Variants in SSBP3 observed in about 807,000 individuals in gnomAD.
The protein encoded by SSBP3 is single-stranded DNA-binding protein 3.
SSBP3 carries 5 observed loss-of-function variants against 69.6 expected under a neutral mutation model. The observed-to-expected ratio is 0.07, with a 90% CI of 0.04 to 0.15. The LOEUF (loss-of-function observed/expected upper bound fraction) is 0.15, where lower values mean the gene tolerates loss of function less well. Among genes scored for constraint, SSBP3 ranks in the 10% least tolerant of loss-of-function variants. SSBP3 has a pLI of 1.00. For synonymous variants in SSBP3, 196 were observed against 193.4 expected (o/e 1.01, Z -0.11); for missense variants, 312 against 534.0 (o/e 0.58, Z 4.10).
intron 9 of SSBP3, 41 bp downstream of exon 9, chr1:54,251,575 A>C: frequency 6.5e-7 from 1 of 1,544,068 alleles, no homozygotes; most frequent in Non-Finnish European, 8.8e-7. Context: ...GGGTGCACAC[A>C]GATGGCCAGG....
At chr1:54,328,077 G>A (rs1430422789) in intron 4 of SSBP3, among the ~76,000 whole-genome samples, 1 of 152,136 alleles carries the variant, frequency 6.6e-6, no homozygotes, top group Non-Finnish European at 1.5e-5. Flanking sequence ...GAGTGGGAGG[G>A]AGAATGAGGG....
At chr1:54,267,565 A>G (rs1311047107) in intron 5 of SSBP3, among the ~76,000 whole-genome samples, 1 of 152,158 alleles carries the variant, frequency 6.6e-6, no homozygotes, top group East Asian at 1.9e-4. Flanking sequence ...CCTGGCAGAG[A>G]AGAAAAGGAA....
intron 3 of SSBP3, among the ~76,000 whole-genome samples, chr1:54,402,582 A>G (rs1002881865): frequency 1.1e-4 from 16 of 139,986 alleles, no homozygotes; most frequent in African/African-American, 4.2e-4. Flanking sequence ...TCCTCCCTCC[A>G]TGCACCAAAA....
intron 7 of SSBP3, among the ~76,000 whole-genome samples, chr1:54,255,148 T>TGCGGGGGG (rs2100732623): frequency 1.0e-4 from 1 of 9,676 alleles, no homozygotes; most frequent in South Asian, 5.1e-3. Flanking sequence ...AGATTTCTAT[T>TGCGGGGGG]GCGGGGGGGC....
At chr1:54,410,876 G>A (rs1036308234), upstream of SSBP3, among the ~76,000 whole-genome samples, 2 of 152,196 alleles carry the variant, frequency 1.3e-5, no homozygotes, top group African/African-American at 2.4e-5. Context: ...GAGAGTAGCC[G>A]CTTGGGATGG....
intron 4 of SSBP3, among the ~76,000 whole-genome samples, chr1:54,329,439 A>ATGTGGGCG (rs1315342883): frequency 2.0e-5 from 3 of 152,232 alleles, no homozygotes; most frequent in Non-Finnish European, 4.4e-5. Context: ...GGATTACTGC[A>ATGTGGGCG]TGTGACAGTC....
At chr1:54,228,582 CCA>C (rs1644328351) in intron 15 of SSBP3, 105 bp from the exon 16 acceptor site, 1 of 1,532,838 alleles carries the variant, frequency 6.5e-7, no homozygotes, top group Admixed American at 1.9e-5. Flanking sequence ...CATCCCAGTC[CCA>C]CACTGTGCGG....
At chr1:54,351,062 A>G (rs1376448365) in intron 4 of SSBP3, among the ~76,000 whole-genome samples, 3 of 152,150 alleles carry the variant, frequency 2.0e-5, no homozygotes, top group Non-Finnish European at 2.9e-5. Context: ...TCCTAGCTCA[A>G]GCAATCTGCC....
chr1:54,241,443 G>C (rs1644637030), intron 12 of SSBP3, 31 bp downstream of exon 12: 1 of 1,613,212 alleles, frequency 6.2e-7, no homozygotes, highest in East Asian at 2.2e-5. Context: ...CACGTGGCTA[G>C]ACATGCAATG....
chr1:54,273,155 C>T (rs1447002250), intron 5 of SSBP3, among the ~76,000 whole-genome samples: 1 of 152,222 alleles, frequency 6.6e-6, no homozygotes, highest in Non-Finnish European at 1.5e-5. Flanking sequence ...AGCAAATCTC[C>T]CAGGCGCTGC....
chr1:54,405,879 C>A, intron 1 of SSBP3, 74 bp downstream of exon 1: 1 of 212,544 alleles, frequency 4.7e-6, no homozygotes, highest in Non-Finnish European at 8.4e-6. Flanking sequence ...CGCCCGCCCG[C>A]CCACCTGCCT....
intron 4 of SSBP3, among the ~76,000 whole-genome samples, chr1:54,355,836 G>T (rs936954140): frequency 6.6e-6 from 1 of 152,054 alleles, no homozygotes; most frequent in Middle Eastern, 3.2e-3. Context: ...CACACCTCCC[G>T]CTTTGTGCGA....
intron 4 of SSBP3, among the ~76,000 whole-genome samples, chr1:54,349,732 T>A (rs1646751509): frequency 6.9e-6 from 1 of 145,086 alleles, no homozygotes; most frequent in Admixed American, 6.8e-5. Flanking sequence ...AAAAAAAAAA[T>A]CAAAATCATT....
chr1:54,323,631 G>A (rs781551935), intron 4 of SSBP3, among the ~76,000 whole-genome samples: 2 of 152,166 alleles, frequency 1.3e-5, no homozygotes, highest in East Asian at 3.9e-4. Context: ...CAGATGTGTG[G>A]GTGGATGCGG....
intron 7 of SSBP3, among the ~76,000 whole-genome samples, chr1:54,256,238 CA>C (rs1434165092): frequency 1.3e-5 from 2 of 152,180 alleles, no homozygotes; most frequent in Non-Finnish European, 2.9e-5. Context: ...TCAAAGGCAA[CA>C]AGGGCTGGAT....
At chr1:54,406,056 G>GCCGCTA in exon 1 of SSBP3, 2 of 1,384,576 alleles carry the variant, frequency 1.4e-6, no homozygotes, top group East Asian at 3.2e-5. Flanking sequence ...CGCCGCCGCC[G>GCCGCTA]CCGCTACCGC....
chr1:54,409,568 A>G (rs528841113), upstream of SSBP3, among the ~76,000 whole-genome samples: 1 of 152,180 alleles, frequency 6.6e-6, no homozygotes, highest in South Asian at 2.1e-4. Context: ...GAGATAAGGA[A>G]TGGATACCAC....
intron 14 of SSBP3, among the ~76,000 whole-genome samples, chr1:54,235,487 ACT>A (rs1280277360): frequency 4.8e-5 from 5 of 104,734 alleles, no homozygotes; most frequent in Non-Finnish European, 8.9e-5. Context: ...ATGGAGTCTC[ACT>A]CTGTCACCCA....
rs78554822 is a variant in SSBP3 at position 54,284,630 on chromosome 1, G to C, written c.277-3103C>G. 3.1e-3 allele frequency among the ~76,000 whole-genome samples: 471 copies of C among 151,708 alleles called. 20 individuals carry two copies. The East Asian group carries it at 0.077, about 25-fold the overall frequency. ...ATACATGTGCACACCACCATACCCA[G>C]CTAATTTTTAAAATTTTTTGTAGAG... On this transcript the variant is annotated intron_variant, in intron 4 of 17. Transcript: ENST00000610401.
Sources: allele counts gnomAD v4.1 joint callset (sites outside exome capture counted in the v4.1 genomes callset), GRCh38; gene constraint gnomAD v4.1.1; transcripts MANE v1.5; gene names NCBI Gene and HGNC (gene_info 2026-07-23, HGNC 2026-07-21).